C12orf42: variants seen among roughly 807,000 people sequenced by gnomAD.
C12orf42 encodes the protein chromosome 12 open reading frame 42, also known as uncharacterized protein C12orf42.
C12orf42 carries 25 observed loss-of-function variants against 21.6 expected under a neutral mutation model. The ratio of observed to expected loss-of-function variants is 1.16; its 90% confidence interval spans 0.84 to 1.62. The LOEUF (loss-of-function observed/expected upper bound fraction) is 1.62, where lower values mean the gene tolerates loss of function less well. Ranked by LOEUF, C12orf42 falls within the 40% of genes most tolerant of loss-of-function variation. The pLI, the probability that C12orf42 is intolerant of heterozygous loss-of-function variation, is 0.00. For synonymous variants in C12orf42, 174 were observed against 175.0 expected (o/e 0.99, Z 0.05); for missense variants, 483 against 459.3 (o/e 1.05, Z -0.47).
chr12:103,366,923 C>T (rs1429614224), intron 4 of C12orf42, among the ~76,000 whole-genome samples: 2 of 151,980 alleles, frequency 1.3e-5, no homozygotes, highest in Non-Finnish European at 2.9e-5. Context: ...GTAGAACTAC[C>T]ATTTGATTCA....
At chr12:103,287,721 C>CA (rs376221969) in intron 4 of C12orf42, among the ~76,000 whole-genome samples, 9 of 144,854 alleles carry the variant, frequency 6.2e-5, no homozygotes, top group Admixed American at 4.1e-4. Flanking sequence ...AAAAAAAAAA[C>CA]AAAAAAAAGT....
chr12:103,062,746 A>G, the C12orf42 span, among the ~76,000 whole-genome samples: 1 of 151,816 alleles, frequency 6.6e-6, no homozygotes, highest in Non-Finnish European at 1.5e-5. Flanking sequence ...TCCTACTTGG[A>G]GTTTGCAGCA....
chr12:103,431,626 A>G (rs1950272419), intron 2 of C12orf42, among the ~76,000 whole-genome samples: 1 of 152,242 alleles, frequency 6.6e-6, no homozygotes. Context: ...GAGACAATAT[A>G]CACATATACA....
chr12:103,394,899 A>G (rs2047385877), intron 3 of C12orf42, among the ~76,000 whole-genome samples: 1 of 152,222 alleles, frequency 6.6e-6, no homozygotes, highest in African/African-American at 2.4e-5. Context: ...GCTTCCAGAG[A>G]AAAGCAAGGT....
At chr12:103,103,341 C>T in the C12orf42 span, among the ~76,000 whole-genome samples, 3 of 152,136 alleles carry the variant, frequency 2.0e-5, no homozygotes, top group African/African-American at 7.2e-5. Context: ...GCTTTTAATC[C>T]CTTCCTAGAT....
At chr12:103,327,700 T>C (rs529202436) in intron 4 of C12orf42, among the ~76,000 whole-genome samples, 20 of 152,342 alleles carry the variant, frequency 1.3e-4, no homozygotes, top group African/African-American at 4.8e-4. Context: ...TGTGGTGGAA[T>C]GGATTACCTC....
chr12:103,441,977 T>C (rs1951274042), intron 2 of C12orf42, among the ~76,000 whole-genome samples: 1 of 151,988 alleles, frequency 6.6e-6, no homozygotes, highest in South Asian at 2.1e-4. Context: ...ACCTCATCTC[T>C]ACAAAAAAAT....
At chr12:103,186,728 C>T in the C12orf42 span, among the ~76,000 whole-genome samples, 2 of 152,110 alleles carry the variant, frequency 1.3e-5, no homozygotes, top group African/African-American at 4.8e-5. Context: ...GGGATGTAAG[C>T]TCTTGAGGTG....
At chr12:103,499,888 A>G (rs1368908870), upstream of C12orf42, among the ~76,000 whole-genome samples, 5 of 152,360 alleles carry the variant, frequency 3.3e-5, no homozygotes, top group East Asian at 7.7e-4. Flanking sequence ...TTAGAATGCT[A>G]TTGAAATTGT....
chr12:103,530,634 G>GGA, the C12orf42 span, among the ~76,000 whole-genome samples: 1 of 152,068 alleles, frequency 6.6e-6, no homozygotes, highest in Non-Finnish European at 1.5e-5. Context: ...TTCGGGGGGG[G>GGA]AAAACCCACA....
the C12orf42 span, among the ~76,000 whole-genome samples, chr12:103,209,556 T>C: frequency 3.3e-5 from 5 of 152,190 alleles, no homozygotes; most frequent in Non-Finnish European, 7.3e-5. Context: ...TCTACCAGTG[T>C]CATCTATTCT....
chr12:103,281,808 A>T lies in C12orf42; in HGVS notation n.338-4598T>A, dbSNP rs544646962. Among the ~76,000 whole-genome samples, 493 of 152,074 alleles carry T rather than the reference A, an allele frequency of 3.2e-3. 4 individuals carry two copies. Among genetic ancestry groups the T allele is most frequent in the African/African-American group, 0.011 (470 of 41,458 alleles). The stretch of plus-strand genomic sequence containing the variant: ...GTCACTGGAATTACATGTGTGAGCC[A>T]TTGTTTCCTGCTAGTGTGAAAAAAA... On this transcript the variant is annotated intron_variant and non_coding_transcript_variant, in intron 4 of 6. Transcript: ENST00000546526.
chr12:103,163,967 G>T, the C12orf42 span, among the ~76,000 whole-genome samples: 5 of 152,188 alleles, frequency 3.3e-5, no homozygotes, highest in African/African-American at 1.2e-4. Context: ...AAGTCACAGA[G>T]TTGGGGGGTC....
downstream of C12orf42, among the ~76,000 whole-genome samples, chr12:103,265,613 G>A (rs1240584189): frequency 4.6e-5 from 7 of 152,114 alleles, no homozygotes; most frequent in Admixed American, 3.3e-4. Context: ...CTATTTTACA[G>A]GTGACAAAGA....
chr12:103,332,464 T>C (rs920054618), intron 4 of C12orf42, among the ~76,000 whole-genome samples: 1 of 152,218 alleles, frequency 6.6e-6, no homozygotes, highest in African/African-American at 2.4e-5. Context: ...GACACACCCA[T>C]TTTAAAAGTC....
At chr12:103,434,820 G>C (rs546872445) in intron 2 of C12orf42, among the ~76,000 whole-genome samples, 1 of 152,308 alleles carries the variant, frequency 6.6e-6, no homozygotes, top group African/African-American at 2.4e-5. Flanking sequence ...AGCGAGGCTG[G>C]GGGAGGGGCG....
chr12:103,329,900 A>G (rs944852761), intron 4 of C12orf42, among the ~76,000 whole-genome samples: 1 of 151,920 alleles, frequency 6.6e-6, no homozygotes, highest in African/African-American at 2.4e-5. Context: ...TATGACACAT[A>G]TGTATATCCA....
At chr12:103,244,500 C>G (rs1020520257) in intron 10 of C12orf42, among the ~76,000 whole-genome samples, 1 of 150,268 alleles carries the variant, frequency 6.7e-6, no homozygotes, top group Non-Finnish European at 1.5e-5. Context: ...CCTGACAGTT[C>G]TCTGTCAACT....
chr12:103,281,415 T>C (rs1347778045), intron 4 of C12orf42, among the ~76,000 whole-genome samples: 2 of 152,218 alleles, frequency 1.3e-5, no homozygotes, highest in African/African-American at 4.8e-5. Context: ...CAGGCTGGAG[T>C]GCAGTGGCGT....
Sources: gnomAD v4.1 joint callset for allele counts (sites outside exome capture counted in the v4.1 genomes callset) on GRCh38, gnomAD v4.1.1 for gene constraint, MANE v1.5 for transcripts, NCBI Gene and HGNC (gene_info 2026-07-23, HGNC 2026-07-21) for gene names.